Variants in JAK1 observed in about 807,000 individuals in gnomAD.
JAK1 encodes Janus kinase 1, also known as tyrosine-protein kinase JAK1.
In JAK1, 16 loss-of-function variants were observed where a neutral mutation model predicts 136.6. The ratio of observed to expected loss-of-function variants is 0.12; its 90% CI spans 0.08 to 0.18. The LOEUF is 0.18. Among genes scored for constraint, JAK1 ranks in the 10% least tolerant of loss-of-function variants. The pLI is 1.00. For missense variants in JAK1, 859 were observed against 1,450.1 expected (o/e 0.59, Z 6.62); for synonymous variants, 492 against 519.5 (o/e 0.95, Z 0.72).
chr1:65,060,129 T>C (rs1003375330), intron 1 of JAK1, among the ~76,000 whole-genome samples: 3 of 146,020 alleles, frequency 2.1e-5, no homozygotes, highest in African/African-American at 5.2e-5. Flanking sequence ...GCAACGAAGA[T>C]TAAAGAAAAA....
At chr1:64,878,018 T>C (rs900522277) in intron 4 of JAK1, among the ~76,000 whole-genome samples, 5 of 152,198 alleles carry the variant, frequency 3.3e-5, no homozygotes, top group Non-Finnish European at 7.3e-5. Flanking sequence ...CATTGTGTAA[T>C]GGTGACAACT....
chr1:65,029,056 A>G (rs1647001676), intron 2 of JAK1, among the ~76,000 whole-genome samples: 1 of 152,102 alleles, frequency 6.6e-6, no homozygotes. Flanking sequence ...TACCCAATCC[A>G]ATGAGGATAC....
At position 64,838,422 on chromosome 1, in the gene JAK1, T is replaced by C. The variant is rs374236137; in HGVS notation, c.2967+43A>G. 6 of 1,602,846 alleles carry C rather than the reference T, an allele frequency of 3.7e-6. No homozygotes were observed. In the African/African-American group the frequency reaches 6.7e-5, roughly 18 times the overall value. On this transcript the variant is annotated intron_variant, in intron 21 of 24. Coordinates refer to ENST00000342505, the MANE Select transcript of JAK1 (RefSeq NM_002227.4). ...TACAAACCAATTACCCAGGACAGAG[T>C]GCCTGATGTCTTAATCTGTAACATG... is the stretch of plus-strand genomic sequence containing the variant.
chr1:65,037,271 G>A lies in JAK1; in HGVS notation c.-78+7209C>T, dbSNP rs371350184. On this transcript the variant is annotated intron_variant, in intron 2 of 25. Transcript: ENST00000671954. ...GATGGTAGGAAAAAGGGGTGTGTGT[G>A]TGTTTTCTATATTGTTCAAAATCAT... Among the ~76,000 whole-genome samples the A allele has an allele frequency of 8.5e-5, 13 of 152,228 alleles. No individual in the cohort carries two copies. The South Asian group carries it at 2.3e-3, about 27-fold the overall frequency.
rs750064617 is a variant in JAK1, at chr1:64,850,805, T to C, written c.1754A>G (p.Gln585Arg). The change falls in exon 12 of 25, where the codon CAG becomes CGG. Residue 585 changes from glutamine to arginine, a missense_variant and splice_region_variant. Physicochemically the swap from Gln to Arg is conservative, Grantham distance 43. Around this residue, in one of 4 missense-constraint regions of JAK1, gnomAD observed 409 missense variants for 753.8 expected, o/e 0.54. Transcript: ENST00000342505. ...CCACACCCTGCAGCCGTGACTCACC[T>C]GCACCAGATCCTTCTTGAGGATCCG... is the stretch of plus-strand genomic sequence containing the variant. ...FDRILKKDLV[Q>R]GEHLGRGTRT... The C allele has an allele frequency of 6.2e-7, 1 of 1,612,254 alleles. No individual in the cohort carries two copies.
intron 2 of JAK1, chr1:64,992,253 G>A (rs1370558989): frequency 2.6e-5 from 4 of 152,080 alleles, no homozygotes; most frequent in East Asian, 1.9e-4. Flanking sequence ...GGTGGCTCAC[G>A]TCTGTAGTCC....
chr1:64,922,089 A>G (rs750938726), intron 1 of JAK1, among the ~76,000 whole-genome samples: 19 of 151,930 alleles, frequency 1.3e-4, no homozygotes, highest in Non-Finnish European at 2.5e-4. Flanking sequence ...TCTTTCAGTG[A>G]CAAAAATTCC....
At chr1:64,869,190 CTGG>C in intron 6 of JAK1, 118 bp downstream of exon 6, 1 of 800,508 alleles carries the variant, frequency 1.2e-6, no homozygotes, top group Non-Finnish European at 2.0e-6. Context: ...TAAGGAAGAT[CTGG>C]GTTTCATAGA....
At chr1:64,885,734 C>T (rs547298734) in intron 2 of JAK1, among the ~76,000 whole-genome samples, 4 of 149,338 alleles carry the variant, frequency 2.7e-5, no homozygotes, top group African/African-American at 9.9e-5. Context: ...AGCCTGGTGA[C>T]AGAGCAAGAG....
intron 1 of JAK1, chr1:65,058,314 A>C (rs1647639691): frequency 2.0e-6 from 1 of 490,152 alleles, no homozygotes; most frequent in African/African-American, 2.0e-5. Flanking sequence ...GCCCCGGGAG[A>C]AGTATGACAG....
chr1:65,029,099 CT>C (rs563315910), intron 2 of JAK1, among the ~76,000 whole-genome samples: 17 of 148,998 alleles, frequency 1.1e-4, no homozygotes, highest in Non-Finnish European at 1.8e-4. Context: ...TTTATTTTTC[CT>C]TTTTTTTTTC....
intron 11 of JAK1, among the ~76,000 whole-genome samples, chr1:64,854,707 C>A (rs951998644): frequency 6.6e-6 from 1 of 152,098 alleles, no homozygotes; most frequent in Non-Finnish European, 1.5e-5. Flanking sequence ...ACTCCCTGAT[C>A]CTCCCTGGCC....
At chr1:64,928,407 G>C (rs561371865) in intron 1 of JAK1, among the ~76,000 whole-genome samples, 1 of 152,148 alleles carries the variant, frequency 6.6e-6, no homozygotes. Context: ...CCAAAATCAC[G>C]CATTTCCCTT....
At chr1:64,916,696 G>T (rs543352894) in intron 1 of JAK1, among the ~76,000 whole-genome samples, 1 of 152,020 alleles carries the variant, frequency 6.6e-6, no homozygotes, top group Non-Finnish European at 1.5e-5. Context: ...AAATTAGCCA[G>T]GTGTGGTGGC....
intron 2 of JAK1, chr1:64,990,918 T>TAA (rs1646649766): frequency 2.5e-5 from 1 of 40,524 alleles, no homozygotes; most frequent in African/African-American, 1.2e-4. Context: ...AGACTCCGTC[T>TAA]CAAAAAAAAA....
At chr1:65,064,040 TCTA>T (rs1416674630) in intron 1 of JAK1, among the ~76,000 whole-genome samples, 1 of 152,190 alleles carries the variant, frequency 6.6e-6, no homozygotes, top group Non-Finnish European at 1.5e-5. Context: ...AATGGGCTAT[TCTA>T]CTTTTTTTGC....
chr1:64,840,399 C>T lies in JAK1; in HGVS notation c.2650-604G>A, dbSNP rs376549777. Among the ~76,000 whole-genome samples, 7 of 152,166 alleles carry T rather than the reference C, an allele frequency of 4.6e-5. No individual in the cohort carries two copies. The East Asian group carries it at 1.3e-3, about 29-fold the overall frequency. ...GATGTATCAAGTCTGTTTCATTAACCAGACTACAGAAAATCTGTATAAAGA... is the reference window on the plus strand; with the variant it reads ...GATGTATCAAGTCTGTTTCATTAACTAGACTACAGAAAATCTGTATAAAGA... On this transcript the variant is annotated intron_variant, in intron 19 of 24. Coordinates refer to ENST00000342505, the MANE Select transcript of JAK1 (RefSeq NM_002227.4).
At chr1:64,952,666 C>T (rs895591138) in intron 1 of JAK1, among the ~76,000 whole-genome samples, 1 of 151,884 alleles carries the variant, frequency 6.6e-6, no homozygotes, top group African/African-American at 2.4e-5. Context: ...TAACACGGGA[C>T]CAAAGACAGA....
At chr1:65,056,700 G>A (rs1337774577) in intron 1 of JAK1, among the ~76,000 whole-genome samples, 1 of 152,030 alleles carries the variant, frequency 6.6e-6, no homozygotes, top group Non-Finnish European at 1.5e-5. Flanking sequence ...GAGGGTAGGA[G>A]AATCACTTGA....
Sources: allele counts gnomAD v4.1 joint callset (sites outside exome capture counted in the v4.1 genomes callset), GRCh38; gene constraint gnomAD v4.1.1; regional missense constraint gnomAD v4.1.1; transcripts MANE v1.5; gene names NCBI Gene and HGNC (gene_info 2026-07-23, HGNC 2026-07-21).